The following LTBP1 variants were observed in gnomAD, a reference collection of about 807,000 sequenced individuals.
LTBP1 encodes latent-transforming growth factor beta-binding protein 1.
Under a neutral mutation model 207.6 loss-of-function variants are expected in LTBP1, and 129 were observed. The observed-to-expected ratio is 0.62, with a 90% CI of 0.54 to 0.72. The LOEUF (loss-of-function observed/expected upper bound fraction) is 0.72. LTBP1 is among the 30% of genes least tolerant of loss of function. The pLI is 0.00. For missense variants in LTBP1, 2,281 were observed against 2,217.2 expected (o/e 1.03, Z -0.58); for synonymous variants, 963 against 833.7 (o/e 1.16, Z -2.67).
intron 9 of LTBP1, among the ~76,000 whole-genome samples, chr2:33,226,210 T>C (rs891162395): frequency 2.6e-5 from 4 of 152,244 alleles, no homozygotes; most frequent in African/African-American, 9.6e-5. Context: ...CTTTCACCTC[T>C]GGCAAATTTC....
chr2:33,347,362 T>G lies in LTBP1; in HGVS notation c.3857-5T>G, dbSNP rs772908463. The G allele has an allele frequency of 7.2e-5, 116 of 1,613,982 alleles. No individual in the cohort carries two copies. Among genetic ancestry groups the G allele is most frequent in the Non-Finnish European group, 9.2e-5 (108 of 1,180,026 alleles). ...ATCTCACTTGGTCTGTGCTCCCTTT[T>G]CCAGATGTGAATGAATGTGAACTGC... On this transcript the variant is annotated splice_polypyrimidine_tract_variant and splice_region_variant and intron_variant, in intron 25 of 33. Transcript: ENST00000404816.
chr2:33,378,384 C>A (rs930802214), intron 31 of LTBP1, among the ~76,000 whole-genome samples: 3 of 151,848 alleles, frequency 2.0e-5, no homozygotes, highest in Non-Finnish European at 4.4e-5. Context: ...CACCACCACA[C>A]CTGGCTAATA....
intron 2 of LTBP1, among the ~76,000 whole-genome samples, chr2:32,971,192 G>A (rs1680822774): frequency 6.6e-6 from 1 of 152,076 alleles, no homozygotes; most frequent in South Asian, 2.1e-4. Flanking sequence ...GAGTTTTTGG[G>A]CAGAAACTTT....
chr2:33,069,973 G>T (rs534727054), intron 3 of LTBP1, among the ~76,000 whole-genome samples: 1 of 152,150 alleles, frequency 6.6e-6, no homozygotes, highest in African/African-American at 2.4e-5. Flanking sequence ...TCATGGATGT[G>T]ACTTCACCAT....
At chr2:33,021,945 GTA>G (rs2075193824) in intron 3 of LTBP1, among the ~76,000 whole-genome samples, 2 of 152,152 alleles carry the variant, frequency 1.3e-5, no homozygotes, top group Non-Finnish European at 2.9e-5. Flanking sequence ...GAGCTATTCT[GTA>G]TGGATAATAA....
chr2:33,221,394 A>C (rs2091090864), intron 8 of LTBP1, among the ~76,000 whole-genome samples: 1 of 152,232 alleles, frequency 6.6e-6, no homozygotes, highest in Non-Finnish European at 1.5e-5. Context: ...TGCATCCGCT[A>C]TGCCAGGTGC....
intron 3 of LTBP1, among the ~76,000 whole-genome samples, chr2:33,103,581 G>A (rs1171291417): frequency 7.2e-6 from 1 of 138,564 alleles, no homozygotes; most frequent in Admixed American, 7.8e-5. Flanking sequence ...CCTTGTCTCC[G>A]TTTACGTGTG....
At chr2:33,208,196 T>G (rs1272684770) in intron 7 of LTBP1, among the ~76,000 whole-genome samples, 1 of 152,118 alleles carries the variant, frequency 6.6e-6, no homozygotes, top group South Asian at 2.1e-4. Context: ...TGGATGGAGG[T>G]GAGGATGGCA....
intron 4 of LTBP1, among the ~76,000 whole-genome samples, chr2:33,122,700 G>A (rs1047004626): frequency 6.6e-6 from 1 of 152,224 alleles, no homozygotes; most frequent in Admixed American, 6.5e-5. Context: ...CTGAAGGGGA[G>A]TAGGGATGGG....
Position 33,315,199 on chromosome 2 carries a change from C to T in LTBP1, c.3660C>T (p.Asn1220=). 1 of 1,613,474 alleles carries T rather than the reference C, an allele frequency of 6.2e-7. No individual in the cohort carries two copies. The highest frequency in any genetic ancestry group is 1.1e-5 in the South Asian group (1 of 90,952). ...GLCGPQGECL[N]TEGSFHCVCQ... is the part of the protein sequence containing the mutation. ...GTGGTCCGCAAGGGGAGTGCCTAAA[C>T]ACAGAGGGTTCTTTCCATTGTGTCT... The change falls in exon 24 of 34, where the codon AAC becomes AAT. Residue 1220 remains asparagine, a synonymous_variant. Transcript: ENST00000404816.
intron 4 of LTBP1, among the ~76,000 whole-genome samples, chr2:33,125,920 C>T (rs977623095): frequency 6.6e-6 from 1 of 151,960 alleles, no homozygotes; most frequent in Non-Finnish European, 1.5e-5. Flanking sequence ...TTAGAGGGAC[C>T]TCAGTTGGTT....
intron 2 of LTBP1, among the ~76,000 whole-genome samples, chr2:33,004,345 CAG>C (rs959372507): frequency 6.6e-6 from 1 of 152,096 alleles, no homozygotes; most frequent in Non-Finnish European, 1.5e-5. Flanking sequence ...TTTGTCCTCA[CAG>C]AGTTCTGTGG....
intron 4 of LTBP1, among the ~76,000 whole-genome samples, chr2:33,121,321 G>T (rs955911634): frequency 6.6e-6 from 1 of 151,846 alleles, no homozygotes; most frequent in Admixed American, 6.6e-5. Context: ...GCAGTGTTTT[G>T]TGAAAAACAT....
At chr2:32,995,006 G>C (rs576221134) in intron 2 of LTBP1, among the ~76,000 whole-genome samples, 9 of 152,204 alleles carry the variant, frequency 5.9e-5, no homozygotes, top group African/African-American at 1.9e-4. Context: ...CCTGGACAAC[G>C]CAGAGAAACC....
intron 18 of LTBP1, among the ~76,000 whole-genome samples, chr2:33,276,148 C>G (rs1251096924): frequency 6.6e-6 from 1 of 152,036 alleles, no homozygotes; most frequent in South Asian, 2.1e-4. Context: ...ATATCTGCCT[C>G]TCTGGTATTT....
chr2:33,089,999 ATATTT>A (rs2078986222), intron 3 of LTBP1, among the ~76,000 whole-genome samples: 1 of 152,226 alleles, frequency 6.6e-6, no homozygotes, highest in Admixed American at 6.5e-5. Context: ...GAGTTTGCTG[ATATTT>A]ATTGAAATGA....
intron 24 of LTBP1, chr2:33,332,818 G>A (rs558344714): frequency 6.6e-6 from 1 of 152,216 alleles, no homozygotes; most frequent in African/African-American, 2.4e-5. Flanking sequence ...CTGAGCTCAG[G>A]GCAAAGCCTC....
intron 31 of LTBP1, among the ~76,000 whole-genome samples, chr2:33,369,050 C>T (rs906238501): frequency 7.2e-5 from 11 of 151,908 alleles, no homozygotes; most frequent in African/African-American, 2.7e-4. Context: ...ATATGGATTT[C>T]AGAATATTGC....
chr2:32,964,145 C>T (rs1292231539), intron 2 of LTBP1, among the ~76,000 whole-genome samples: 2 of 152,122 alleles, frequency 1.3e-5, no homozygotes, highest in Admixed American at 1.3e-4. Flanking sequence ...TCCTTGGGGT[C>T]ATGCTGACTC....
Sources: gnomAD v4.1 joint callset for allele counts (sites outside exome capture counted in the v4.1 genomes callset) on GRCh38, gnomAD v4.1.1 for gene constraint, MANE v1.5 for transcripts, NCBI Gene and HGNC (gene_info 2026-07-23, HGNC 2026-07-21) for gene names.